Variants in PTPRG observed in about 807,000 individuals in gnomAD.
The protein encoded by PTPRG is receptor-type tyrosine-protein phosphatase gamma.
In PTPRG, 102 loss-of-function variants were observed where a neutral mutation model predicts 165.3. The observed-to-expected ratio is 0.62, with a 90% confidence interval of 0.53 to 0.73. The LOEUF (loss-of-function observed/expected upper bound fraction) is 0.73. Ranked by LOEUF, PTPRG falls within the 30% of genes least tolerant of loss-of-function variation. The pLI, the probability that PTPRG is intolerant of heterozygous loss-of-function variation, is 0.00. For synonymous variants in PTPRG, 675 were observed against 669.5 expected, an observed-to-expected ratio of 1.01 and a Z score of -0.13; for missense variants, 1,866 against 1,861.4, an observed-to-expected ratio of 1.00 and a Z score of -0.05.
At chr3:61,586,535 C>T (rs535414212) in intron 1 of PTPRG, among the ~76,000 whole-genome samples, 1 of 152,294 alleles carries the variant, frequency 6.6e-6, no homozygotes, top group African/African-American at 2.4e-5. Context: ...GTTTGCACCA[C>T]CAGTTTCTAA....
chr3:61,846,543 G>A (rs552132037), intron 2 of PTPRG, among the ~76,000 whole-genome samples: 5 of 152,168 alleles, frequency 3.3e-5, no homozygotes, highest in Non-Finnish European at 7.3e-5. Flanking sequence ...GTAACTGGTG[G>A]CACCAGTGCC....
Position 62,203,066 on chromosome 3 carries a change from C to A in PTPRG, c.1378-107C>A. The A allele has an allele frequency of 6.7e-7, 1 of 1,494,388 alleles. No homozygotes were observed. The highest frequency in any genetic ancestry group is 1.4e-5 in the South Asian group (1 of 71,852). 92.6% of individuals were successfully genotyped at this position (1,494,388 alleles called of 1,614,324 possible). ...ACTCCATAGCATAGATGAGTAAAAT[C>A]CTCAGAGGGTGACAACCAGGGCCTC... On this transcript the variant is annotated intron_variant, in intron 11 of 29. Coordinates refer to ENST00000474889, the MANE Select transcript of PTPRG (RefSeq NM_002841.4). The surrounding 1 kb of genome is among the most constrained non-coding windows in gnomAD (Gnocchi z 6.4).
At chr3:62,140,176 C>T (rs941579718) in intron 6 of PTPRG, among the ~76,000 whole-genome samples, 19 of 152,234 alleles carry the variant, frequency 1.2e-4, no homozygotes, top group African/African-American at 4.6e-4. Context: ...TGTTCCCCTG[C>T]CGGGGATGCA....
intron 4 of PTPRG, among the ~76,000 whole-genome samples, chr3:62,045,286 T>C (rs1700252866): frequency 6.6e-6 from 1 of 152,186 alleles, no homozygotes; most frequent in African/African-American, 2.4e-5. Context: ...TCACAACCAA[T>C]TAAGGCTATT....
At chr3:61,826,949 G>C (rs576594267) in intron 2 of PTPRG, among the ~76,000 whole-genome samples, 3 of 151,832 alleles carry the variant, frequency 2.0e-5, no homozygotes, top group East Asian at 3.9e-4. Context: ...TCCATCTCCA[G>C]GCGTATGGTA....
At chr3:61,654,549 T>A (rs1022433355) in intron 1 of PTPRG, among the ~76,000 whole-genome samples, 1 of 151,906 alleles carries the variant, frequency 6.6e-6, no homozygotes, top group African/African-American at 2.4e-5. Context: ...CATGCTCAGC[T>A]AGTTTTTTGT....
At chr3:61,986,630 A>C (rs2040769458) in intron 2 of PTPRG, among the ~76,000 whole-genome samples, 1 of 152,180 alleles carries the variant, frequency 6.6e-6, no homozygotes, top group African/African-American at 2.4e-5. Flanking sequence ...TTGGCAGCCC[A>C]AATTGCCCTG....
chr3:61,800,208 T>C (rs1361074356), intron 2 of PTPRG, among the ~76,000 whole-genome samples: 1 of 152,078 alleles, frequency 6.6e-6, no homozygotes, highest in Non-Finnish European at 1.5e-5. Flanking sequence ...ATATTACTGG[T>C]TTTAAGCTGA....
At chr3:61,637,751 T>A (rs993084922) in intron 1 of PTPRG, among the ~76,000 whole-genome samples, 1 of 152,176 alleles carries the variant, frequency 6.6e-6, no homozygotes, top group Non-Finnish European at 1.5e-5. Flanking sequence ...TTTATCGTTG[T>A]TGGCCATGCA....
At chr3:62,117,757 C>G (rs1223011976) in intron 5 of PTPRG, among the ~76,000 whole-genome samples, 2 of 152,208 alleles carry the variant, frequency 1.3e-5, no homozygotes, top group African/African-American at 4.8e-5. Flanking sequence ...GTTCGAGCAT[C>G]TGACTGGCAG....
At chr3:61,617,923 G>A (rs1371497099) in intron 1 of PTPRG, among the ~76,000 whole-genome samples, 1 of 152,178 alleles carries the variant, frequency 6.6e-6, no homozygotes, top group Admixed American at 6.5e-5. Context: ...TGTCCTGTAG[G>A]AAAACGTCTG....
chr3:62,161,964 G>A (rs1417423715), intron 7 of PTPRG, among the ~76,000 whole-genome samples: 1 of 152,170 alleles, frequency 6.6e-6, no homozygotes, highest in African/African-American at 2.4e-5. Context: ...GTTCCTTGCT[G>A]TGCTAATAAT....
intron 2 of PTPRG, among the ~76,000 whole-genome samples, chr3:61,834,917 T>C (rs1361124010): frequency 6.6e-6 from 1 of 152,208 alleles, no homozygotes; most frequent in Non-Finnish European, 1.5e-5. Flanking sequence ...TCTCAGAAAT[T>C]AGACAATTGA....
At chr3:62,204,901 T>C (rs1160863866) in intron 12 of PTPRG, among the ~76,000 whole-genome samples, 1 of 152,150 alleles carries the variant, frequency 6.6e-6, no homozygotes, top group African/African-American at 2.4e-5. Flanking sequence ...GGAGTTGTTA[T>C]TGTTGTGAGG....
In PTPRG at chr3:62,083,764, G is replaced by C. The variant is rs184032115; in HGVS notation, c.615+5506G>C. On this transcript the variant is annotated intron_variant, in intron 5 of 29. Transcript: ENST00000474889. ...TTCTGGTGTTTCTCCCTTGGCTTCCGTCTGTTTCTTCACCATTAAATGCTT... is the reference window on the plus strand; with the variant it reads ...TTCTGGTGTTTCTCCCTTGGCTTCCCTCTGTTTCTTCACCATTAAATGCTT... Among the ~76,000 whole-genome samples the C allele has an allele frequency of 5.3e-5, 8 of 152,252 alleles. No individual in the cohort carries two copies. The East Asian group carries it at 1.4e-3, about 26-fold the overall frequency.
intron 2 of PTPRG, among the ~76,000 whole-genome samples, chr3:61,900,236 T>C (rs2038463578): frequency 6.6e-6 from 1 of 152,172 alleles, no homozygotes; most frequent in Non-Finnish European, 1.5e-5. Flanking sequence ...TAAAAAATAA[T>C]GCTGACGCTA....
intron 1 of PTPRG, among the ~76,000 whole-genome samples, chr3:61,662,034 C>G (rs1702682673): frequency 6.6e-6 from 1 of 152,188 alleles, no homozygotes; most frequent in East Asian, 1.9e-4. Context: ...GAAACCAACA[C>G]TATACTCACC....
chr3:62,001,846 A>C (rs74847706), intron 3 of PTPRG, among the ~76,000 whole-genome samples: 16,889 of 152,210 alleles, frequency 0.11, 1,212 homozygotes, highest in Middle Eastern at 0.2. Flanking sequence ...CTTCTGTGCT[A>C]TAAAGACAAG....
chr3:62,144,385 A>C (rs1248840324), intron 6 of PTPRG, among the ~76,000 whole-genome samples: 3 of 152,212 alleles, frequency 2.0e-5, no homozygotes, highest in Non-Finnish European at 1.5e-5. Context: ...GTTTCAACTG[A>C]ATTAATGAGG....
Sources: allele counts gnomAD v4.1 joint callset (sites outside exome capture counted in the v4.1 genomes callset), GRCh38; gene constraint gnomAD v4.1.1; non-coding constraint Gnocchi (gnomAD v3.1); transcripts MANE v1.5; gene names NCBI Gene and HGNC (gene_info 2026-07-23, HGNC 2026-07-21).